LPIN1: variants seen among roughly 807,000 people sequenced by gnomAD.
The protein encoded by LPIN1 is phosphatidate phosphatase LPIN1.
A neutral mutation model predicts 107.5 loss-of-function variants in LPIN1; 71 were observed. That is an observed-to-expected ratio of 0.66 (90% CI 0.55 to 0.80). The LOEUF (loss-of-function observed/expected upper bound fraction) is 0.80. Among genes scored for constraint, LPIN1 ranks in the 30% least tolerant of loss-of-function variants. The pLI, the probability that LPIN1 is intolerant of heterozygous loss-of-function variation, is 0.00. For missense variants in LPIN1, 1,043 were observed against 1,160.6 expected (o/e 0.90, Z 1.47); for synonymous variants, 445 against 452.6 (o/e 0.98, Z 0.21).
chr2:11,815,053 G>T, intron 17 of LPIN1, 35 bp from the exon 18 acceptor site: 1 of 1,606,904 alleles, frequency 6.2e-7, no homozygotes, highest in Non-Finnish European at 8.5e-7. Context: ...TCCATTTTCT[G>T]ATGCCATGAA....
rs113688603 is a variant in LPIN1, at chr2:11,730,542, C to G, written c.-72+6003C>G. ...TATTGCTGTCTCTTGGAAGTGTGTT[C>G]TTTTTGCCTTTTTCTTCACTTTATA... On this transcript the variant is annotated intron_variant, in intron 1 of 21. Transcript: ENST00000396097. 2.2e-4 allele frequency among the ~76,000 whole-genome samples: 33 copies of G among 152,246 alleles called. 1 individual carries two copies. Among genetic ancestry groups the G allele is most frequent in the African/African-American group, 6.5e-4 (27 of 41,548 alleles).
At chr2:11,744,678 A>G (rs1017410787), upstream of LPIN1, among the ~76,000 whole-genome samples, 2 of 152,246 alleles carry the variant, frequency 1.3e-5, no homozygotes, top group Non-Finnish European at 2.9e-5. Context: ...AGTGGCCTGA[A>G]GTTGGACTGG....
intron 14 of LPIN1, among the ~76,000 whole-genome samples, chr2:11,796,814 C>G (rs543305855): frequency 6.6e-6 from 1 of 152,332 alleles, no homozygotes; most frequent in East Asian, 1.9e-4. Flanking sequence ...GCATGGAAAG[C>G]AGACATTTCA....
rs771852415 is a variant in LPIN1, at chr2:11,783,886, T to C, written c.1322T>C (p.Met441Thr). Residue 441 changes from methionine to threonine, a missense_variant, in exon 9 of 21, where the codon ATG becomes ACG. Met to Thr is a moderately conservative substitution (Grantham distance 81). Transcript: ENST00000674199. Reference protein sequence around the residue: ...DGVYLDDLTDMDPEVAALYFP... With the variant: ...DGVYLDDLTDTDPEVAALYFP... ...GTCTACTTGGATGACCTCACAGACA[T>C]GGATCCTGAAGTGGCGGCCCTGTAT... 6.2e-7 allele frequency: 1 copy of C among 1,614,230 alleles called. No homozygotes were observed. The highest frequency in any genetic ancestry group is 8.5e-7 in the Non-Finnish European group (1 of 1,180,024).
At chr2:11,721,837 T>C (rs1664170311), upstream of LPIN1, 2 of 152,442 alleles carry the variant, frequency 1.3e-5, no homozygotes, top group Non-Finnish European at 2.9e-5. Flanking sequence ...GAGGATTCTC[T>C]AAGCAGGGTG....
chr2:11,749,762 A>C (rs546834116), intron 1 of LPIN1, among the ~76,000 whole-genome samples: 3 of 152,354 alleles, frequency 2.0e-5, no homozygotes, highest in Admixed American at 2.0e-4. Flanking sequence ...AACCAGATGG[A>C]CTGGGCTCCA....
At chr2:11,791,563 A>T in intron 12 of LPIN1, 1 of 792,056 alleles carries the variant, frequency 1.3e-6, no homozygotes, top group Non-Finnish European at 1.7e-6. Flanking sequence ...ATTGAGAGTA[A>T]TGATATCTTA....
At chr2:11,798,697 C>A (rs1420072762) in intron 14 of LPIN1, among the ~76,000 whole-genome samples, 1 of 151,512 alleles carries the variant, frequency 6.6e-6, no homozygotes, top group East Asian at 1.9e-4. Flanking sequence ...ATATAAAGTT[C>A]TCTTGAAAAA....
intron 3 of LPIN1, among the ~76,000 whole-genome samples, chr2:11,769,031 T>C (rs1467763013): frequency 6.6e-6 from 1 of 152,258 alleles, no homozygotes; most frequent in African/African-American, 2.4e-5. Context: ...CTGTGAACAT[T>C]TGTATACAAG....
chr2:11,769,420 G>T (rs956730454), intron 3 of LPIN1, among the ~76,000 whole-genome samples: 6 of 152,086 alleles, frequency 3.9e-5, no homozygotes, highest in African/African-American at 1.4e-4. Flanking sequence ...GTATGTGTGT[G>T]TTGTTTTTCT....
At chr2:11,802,819 G>T in intron 14 of LPIN1, 88 bp from the exon 15 acceptor site, 2 of 1,493,122 alleles carry the variant, frequency 1.3e-6, no homozygotes, top group South Asian at 1.1e-5. Context: ...AGACTGGATT[G>T]ACTTAGTCAT....
At chr2:11,701,262 C>T (rs890514643) in intron 1 of LPIN1, among the ~76,000 whole-genome samples, 1 of 152,182 alleles carries the variant, frequency 6.6e-6, no homozygotes, top group Non-Finnish European at 1.5e-5. Context: ...TGTTGGATTA[C>T]AGATACTAGT....
In LPIN1 at chr2:11,803,617, TG is replaced by T. The variant is rs1678156812; in HGVS notation, c.2013+588del. Among the ~76,000 whole-genome samples the T allele has an allele frequency of 6.6e-6, 1 of 152,142 alleles. No individual in the cohort carries two copies. Among genetic ancestry groups the T allele is most frequent in the Non-Finnish European group, 1.5e-5 (1 of 68,030 alleles). On this transcript the variant is annotated intron_variant, in intron 15 of 20. Coordinates refer to ENST00000674199, the MANE Select transcript of LPIN1 (RefSeq NM_001349206.2). This position sits in a 1 kb window ranked among gnomAD's most constrained non-coding sequence, Gnocchi z 4.2. ...CTTGTGCATTTCTCCTAAGAGTTAG[TG>T]GGGAGCCTGGCTCAAGTGTGAGGGT...
intron 1 of LPIN1, among the ~76,000 whole-genome samples, chr2:11,703,923 G>A (rs942806886): frequency 2.0e-5 from 3 of 152,186 alleles, no homozygotes; most frequent in East Asian, 3.9e-4. Context: ...ATGACTCTGC[G>A]GTATGTGACT....
At chr2:11,749,249 G>C (rs1189513807) in intron 1 of LPIN1, among the ~76,000 whole-genome samples, 1 of 152,180 alleles carries the variant, frequency 6.6e-6, no homozygotes, top group Non-Finnish European at 1.5e-5. Flanking sequence ...TTCGCTTTCT[G>C]AGCTGTGAGG....
At chr2:11,731,684 C>T (rs1279030999) in intron 1 of LPIN1, among the ~76,000 whole-genome samples, 1 of 152,198 alleles carries the variant, frequency 6.6e-6, no homozygotes, top group Non-Finnish European at 1.5e-5. Flanking sequence ...AGTTTACCAC[C>T]AACAGTGTAA....
rs1254626718 is a variant in LPIN1, at chr2:11,824,573, A to T, written c.2622-59A>T. On this transcript the variant is annotated intron_variant, in intron 20 of 20. Transcript: ENST00000674199. Reference sequence around the variant, plus strand: ...TAGATCTCTCTTGACTTCTACGTGCAGCCCTGGGTGCATAGCTGGTATCGC... The same window carrying T: ...TAGATCTCTCTTGACTTCTACGTGCTGCCCTGGGTGCATAGCTGGTATCGC... 3 of 1,581,566 alleles carry T rather than the reference A, an allele frequency of 1.9e-6. No individual in the cohort carries two copies. In the African/African-American group the frequency reaches 4.1e-5, roughly 21 times the overall value.
upstream of LPIN1, among the ~76,000 whole-genome samples, chr2:11,719,453 A>AC (rs1423375992): frequency 1.1e-4 from 17 of 152,192 alleles, no homozygotes; most frequent in African/African-American, 3.9e-4. Context: ...CCCCCTTTGC[A>AC]GGAAGTCCAG....
chr2:11,795,508 G>A (rs753358338), intron 14 of LPIN1, 21 bp downstream of exon 14: 2 of 1,611,234 alleles, frequency 1.2e-6, no homozygotes. Context: ...AGGCTTCTTG[G>A]GATGTTTGCA....
Sources: allele counts gnomAD v4.1 joint callset (sites outside exome capture counted in the v4.1 genomes callset), GRCh38; gene constraint gnomAD v4.1.1; non-coding constraint Gnocchi (gnomAD v3.1); transcripts MANE v1.5; gene names NCBI Gene and HGNC (gene_info 2026-07-23, HGNC 2026-07-21).